CNDP1: variants seen among roughly 807,000 people sequenced by gnomAD.
CNDP1 encodes beta-Ala-His dipeptidase.
In CNDP1, 44 loss-of-function variants were observed where a neutral mutation model predicts 58.1. The observed-to-expected ratio is 0.76, with a 90% CI of 0.60 to 0.97. The LOEUF (loss-of-function observed/expected upper bound fraction) is 0.97, where lower values mean the gene tolerates loss of function less well. CNDP1 is among the 50% of genes least tolerant of loss of function. The pLI, the probability that CNDP1 is intolerant of heterozygous loss-of-function variation, is 0.00. For synonymous variants in CNDP1, 254 were observed against 252.6 expected, an observed-to-expected ratio of 1.01 and a Z score of -0.05; for missense variants, 616 against 655.1, an observed-to-expected ratio of 0.94 and a Z score of 0.65.
Position 74,545,636 on chromosome 18 carries a change from C to T in CNDP1, c.25-10702C>T, listed in dbSNP as rs764114345. Among the ~76,000 whole-genome samples the T allele has an allele frequency of 4.6e-5, 7 of 152,144 alleles. No homozygotes were observed. Among genetic ancestry groups the T allele is most frequent in the Non-Finnish European group, 8.8e-5 (6 of 68,016 alleles). ...TGTCCCCAGTCCACGTCTCTCTCAA[C>T]TCCCCACTCCCTCCGACCCTCCTCC... On this transcript the variant is annotated intron_variant, in intron 1 of 11. Transcript: ENST00000358821. This position sits in a 1 kb window ranked among gnomAD's most constrained non-coding sequence, Gnocchi z 4.1.
chr18:74,541,534 T>C (rs1430001443), intron 1 of CNDP1, among the ~76,000 whole-genome samples: 4 of 152,190 alleles, frequency 2.6e-5, no homozygotes, highest in Non-Finnish European at 5.9e-5. Flanking sequence ...ACCATCCTAC[T>C]GATCCCAGTG....
chr18:74,569,956 C>T (rs757434720), intron 6 of CNDP1, among the ~76,000 whole-genome samples: 7 of 146,872 alleles, frequency 4.8e-5, no homozygotes, highest in Non-Finnish European at 8.9e-5. Flanking sequence ...GAGGCTGAGG[C>T]GGGTGGATCA....
Position 74,569,945 on chromosome 18 carries a change from C to A in CNDP1, c.757-1241C>A, listed in dbSNP as rs553707559. Among the ~76,000 whole-genome samples the A allele has an allele frequency of 3.4e-3, 507 of 149,946 alleles. 8 individuals carry two copies. The highest frequency in any genetic ancestry group is 0.012 in the African/African-American group (489 of 40,680). ...TCATGCCTGTAATCCTAGCACTTTG[C>A]GAGGCTGAGGCGGGTGGATCACCTG... On this transcript the variant is annotated intron_variant, in intron 6 of 11. Coordinates refer to ENST00000358821, the MANE Select transcript of CNDP1 (RefSeq NM_032649.6).
At chr18:74,572,354 C>G (rs1981500586) in intron 7 of CNDP1, among the ~76,000 whole-genome samples, 1 of 152,208 alleles carries the variant, frequency 6.6e-6, no homozygotes, top group African/African-American at 2.4e-5. Context: ...GAGCTCCTTC[C>G]ACAGTCCTGG....
rs963346516 is a variant in CNDP1 at position 74,583,271 on chromosome 18, T to G, written c.1310-290T>G. ...ATCCGCACACCTCAGCCTCCCAAAG[T>G]GCTGGGATTACAGGCATGAGCCACT... On this transcript the variant is annotated intron_variant, in intron 10 of 11. Transcript: ENST00000358821. 5.3e-5 allele frequency among the ~76,000 whole-genome samples: 8 copies of G among 152,252 alleles called. No individual in the cohort carries two copies. In the East Asian group the frequency reaches 1.5e-3, roughly 29 times the overall value.
intron 1 of CNDP1, among the ~76,000 whole-genome samples, chr18:74,540,966 G>T (rs1008167025): frequency 6.6e-6 from 1 of 152,204 alleles, no homozygotes; most frequent in African/African-American, 2.4e-5. Context: ...AAGTGATGCC[G>T]ATTTTCTTGT....
intron 10 of CNDP1, among the ~76,000 whole-genome samples, chr18:74,582,126 A>G (rs1467864835): frequency 6.6e-6 from 1 of 152,250 alleles, no homozygotes; most frequent in Non-Finnish European, 1.5e-5. Context: ...TGGCAGCTGA[A>G]GAGAGGTGTG....
Position 74,583,598 on chromosome 18 carries a change from C to G in CNDP1, c.1347C>G (p.Ser449=), listed in dbSNP as rs1020994290. Reference sequence around the variant, plus strand: ...AACCAGATATGATCCGGGATGGATCCACCATTCCAATTGCCAAAATGTTCC... The same window carrying G: ...AACCAGATATGATCCGGGATGGATCGACCATTCCAATTGCCAAAATGTTCC... ...GTEPDMIRDG[S]TIPIAKMFQE... The change falls in exon 11 of 12, where the codon TCC becomes TCG. Residue 449 remains serine, a synonymous_variant. Transcript: ENST00000358821. 6.2e-7 allele frequency: 1 copy of G among 1,614,026 alleles called. No homozygotes were observed. The highest frequency in any genetic ancestry group is 1.7e-5 in the Admixed American group (1 of 60,018).
chr18:74,573,414 A>C (rs1483795294), intron 7 of CNDP1, among the ~76,000 whole-genome samples: 1 of 130,990 alleles, frequency 7.6e-6, no homozygotes, highest in Non-Finnish European at 1.6e-5. Flanking sequence ...ACCCATTATC[A>C]TCTATCCATC....
intron 6 of CNDP1, among the ~76,000 whole-genome samples, chr18:74,568,007 C>T (rs1294510521): frequency 6.6e-6 from 1 of 152,224 alleles, no homozygotes; most frequent in Non-Finnish European, 1.5e-5. Context: ...ATGACTGTGT[C>T]ATTACATGCA....
chr18:74,579,988 C>T (rs1402537077), intron 9 of CNDP1, 142 bp from the exon 10 acceptor site: 49 of 710,750 alleles, frequency 6.9e-5, no homozygotes, highest in Non-Finnish European at 8.9e-5. Context: ...ACAACACTTG[C>T]GTGTGTCAGG....
chr18:74,553,245 A>T (rs373142917), intron 1 of CNDP1, among the ~76,000 whole-genome samples: 1 of 151,958 alleles, frequency 6.6e-6, no homozygotes, highest in South Asian at 2.1e-4. Flanking sequence ...CATTTTCTTG[A>T]TGGTGTTCTT....
chr18:74,536,405 C>A (rs1980487629), intron 1 of CNDP1, among the ~76,000 whole-genome samples: 1 of 152,178 alleles, frequency 6.6e-6, no homozygotes. Flanking sequence ...GTTTTCTGTT[C>A]CTGCATTAGT....
chr18:74,556,385 G>A lies in CNDP1; in HGVS notation c.72G>A (p.Met24Ile). The A allele has an allele frequency of 6.2e-7, 1 of 1,613,410 alleles. No individual in the cohort carries two copies. The highest frequency in any genetic ancestry group is 8.5e-7 in the Non-Finnish European group (1 of 1,179,312). Residue 24 changes from methionine (M) to isoleucine (I), a missense_variant, in exon 2 of 12, where the codon ATG (methionine) becomes ATA (isoleucine). Physicochemically the swap from Met to Ile is conservative, Grantham distance 10. Coordinates refer to ENST00000358821, the MANE Select transcript of CNDP1 (RefSeq NM_032649.6). ...TGCTGCTGCTGCTGGAGCGCGGCAT[G>A]TTCTCCTCACCCTCCCCGCCCCCGG... ...AVLLLLLERG[M>I]FSSPSPPPAL...
At chr18:74,542,603 T>C (rs184679006) in intron 1 of CNDP1, among the ~76,000 whole-genome samples, 42 of 152,326 alleles carry the variant, frequency 2.8e-4, no homozygotes, top group East Asian at 5.8e-4. Flanking sequence ...TGTTTTTTTG[T>C]TTTTGAGACA....
Position 74,584,596 on chromosome 18 carries a change from G to A in CNDP1, c.*34G>A. ...ACCTTCTAGTCTGATCTGATCCACT[G>A]ACAGATTCACCTCCCCCACATCCCT... On this transcript the variant is annotated 3_prime_UTR_variant, in exon 12 of 12. Coordinates refer to ENST00000358821, the MANE Select transcript of CNDP1 (RefSeq NM_032649.6). 1 of 1,521,008 alleles carries A rather than the reference G, an allele frequency of 6.6e-7. No individual in the cohort carries two copies. Among genetic ancestry groups the A allele is most frequent in the Non-Finnish European group, 9.1e-7 (1 of 1,095,354 alleles). 94.2% of individuals were successfully genotyped at this position (1,521,008 alleles called of 1,614,324 possible). A position where few individuals can be genotyped will look rare whatever the true frequency, so the allele number is the denominator to read the frequency against.
At chr18:74,535,194 G>A (rs987056822) in intron 1 of CNDP1, among the ~76,000 whole-genome samples, 2 of 152,190 alleles carry the variant, frequency 1.3e-5, no homozygotes, top group Non-Finnish European at 2.9e-5. Flanking sequence ...TGGGTGTGGC[G>A]GGAAGGCTTC....
At chr18:74,565,869 G>A (rs1231904688) in intron 5 of CNDP1, among the ~76,000 whole-genome samples, 3 of 152,220 alleles carry the variant, frequency 2.0e-5, no homozygotes, top group Non-Finnish European at 4.4e-5. Context: ...GGGTTCCAAC[G>A]CCACATTTCC....
intron 4 of CNDP1, 57 bp downstream of exon 4, chr18:74,561,075 G>T: frequency 6.3e-7 from 1 of 1,577,402 alleles, no homozygotes; most frequent in Non-Finnish European, 8.7e-7. Flanking sequence ...GATTGAAGGG[G>T]TGAAGATGAG....
Sources: gnomAD v4.1 joint callset for allele counts (sites outside exome capture counted in the v4.1 genomes callset) on GRCh38, gnomAD v4.1.1 for gene constraint, Gnocchi (gnomAD v3.1) non-coding constraint, MANE v1.5 for transcripts, NCBI Gene and HGNC (gene_info 2026-07-23, HGNC 2026-07-21) for gene names.